The following CALCOCO1 variants were observed in gnomAD, a reference collection of about 807,000 sequenced individuals.
The protein encoded by CALCOCO1 is calcium-binding and coiled-coil domain-containing protein 1.
CALCOCO1 carries 44 observed loss-of-function variants against 86.3 expected under a neutral mutation model. The observed-to-expected ratio is 0.51, with a 90% CI of 0.40 to 0.66. CALCOCO1 has a LOEUF of 0.66. CALCOCO1 is among the 30% of genes least tolerant of loss of function. The probability of loss-of-function intolerance (pLI) is 0.00; values close to 1 mark genes in which losing one functional copy is unlikely to be tolerated. For missense variants in CALCOCO1, 708 were observed against 851.1 expected (o/e 0.83, Z 2.09); for synonymous variants, 297 against 327.6 (o/e 0.91, Z 1.01).
At position 53,721,997 on chromosome 12, in the gene CALCOCO1, C is replaced by T. The variant is rs749656351; in HGVS notation, c.609+28G>A. The T allele has an allele frequency of 5.0e-6, 8 of 1,610,772 alleles. 1 individual carries two copies. The highest frequency in any genetic ancestry group is 6.8e-6 in the Non-Finnish European group (8 of 1,179,818). ...TTGGATGCTGGGTGAGCAGCCAGGC[C>T]CTGTCCCCTACCTGGCCCAGCTCCC... On this transcript the variant is annotated intron_variant, in intron 5 of 14. Coordinates refer to ENST00000550804, the MANE Select transcript of CALCOCO1 (RefSeq NM_020898.3).
Position 53,721,571 on chromosome 12 carries a change from G to A in CALCOCO1, c.654C>T (p.Ile218=), listed in dbSNP as rs2120625405. ...CATGGTCTCCCTGTTGCCGGCTCAG[G>A]ATGTCCCTCTCTTCTGTGATCTCCC... ...SHGEITEERD[I]LSRQQGDHVA... is the part of the protein sequence containing the mutation. The change falls in exon 6 of 15, where the codon ATC becomes ATT. Residue 218 remains isoleucine, a synonymous_variant. Transcript: ENST00000550804. 1 of 1,613,790 alleles carries A rather than the reference G, an allele frequency of 6.2e-7. No individual in the cohort carries two copies. The highest frequency in any genetic ancestry group is 8.5e-7 in the Non-Finnish European group (1 of 1,179,896).
intron 3 of CALCOCO1, 108 bp downstream of exon 3, chr12:53,724,537 T>G: frequency 1.3e-6 from 1 of 798,134 alleles, no homozygotes; most frequent in Non-Finnish European, 2.2e-6. Context: ...TTTCGTTTAT[T>G]TTTCCTTGTC....
In CALCOCO1 at chr12:53,709,260, A is replaced by C. The variant is rs1262170498; in HGVS notation, c.*2684T>G. The C allele has an allele frequency of 6.6e-6, 1 of 152,252 alleles. No homozygotes were observed. Among genetic ancestry groups the C allele is most frequent in the Non-Finnish European group, 1.5e-5 (1 of 68,070 alleles). The allele number at this position is 152,252 out of a possible 1,614,324, so 9.4% of individuals were successfully genotyped here. On this transcript the variant is annotated 3_prime_UTR_variant, in exon 15 of 15. Coordinates refer to ENST00000550804, the MANE Select transcript of CALCOCO1 (RefSeq NM_020898.3). ...AGTTGCCAAATACCCCTCAGTGAGT[A>C]GGAAAGAGAACTAGAATTGGAAGCT...
In CALCOCO1 at chr12:53,715,235, T is replaced by C. The variant is rs369001678; in HGVS notation, c.1351A>G (p.Lys451Glu). ...TCCTTCTCCCGGGCCAGCTCAGTCT[T>C]GAACACTTGGTTTTGGGTCCTCTCC... ...QEERTQNQVF[K>E]TELAREKDSS... The change falls in exon 10 of 15, where the codon AAG becomes GAG. Residue 451 changes from lysine to glutamate, a missense_variant. Physicochemically the swap from Lys to Glu is moderately conservative, Grantham distance 56. Coordinates refer to ENST00000550804, the MANE Select transcript of CALCOCO1 (RefSeq NM_020898.3). 1 of 1,614,052 alleles carries C rather than the reference T, an allele frequency of 6.2e-7. No homozygotes were observed.
chr12:53,721,592 C>G lies in CALCOCO1; in HGVS notation c.633G>C (p.Glu211Asp), dbSNP rs886362814. Residue 211 changes from glutamate (E) to aspartate (D), a missense_variant, in exon 6 of 15, where the codon GAG becomes GAC. Coordinates refer to ENST00000550804, the MANE Select transcript of CALCOCO1 (RefSeq NM_020898.3). ...TCAGGATGTCCCTCTCTTCTGTGATCTCCCCATGGGACCGGGAAATCCCCT... is the reference window on the plus strand; with the variant it reads ...TCAGGATGTCCCTCTCTTCTGTGATGTCCCCATGGGACCGGGAAATCCCCT... ...QYKGISRSHGEITEERDILSR... is the reference protein window; with the variant it reads ...QYKGISRSHGDITEERDILSR... 6.2e-7 allele frequency: 1 copy of G among 1,614,018 alleles called. No individual in the cohort carries two copies. Among genetic ancestry groups the G allele is most frequent in the Non-Finnish European group, 8.5e-7 (1 of 1,179,972 alleles).
intron 11 of CALCOCO1, 37 bp from the exon 12 acceptor site, chr12:53,714,278 T>TG (rs1945665402): frequency 6.6e-7 from 1 of 1,521,632 alleles, no homozygotes; most frequent in African/African-American, 1.4e-5. Context: ...TGCTAGAGAA[T>TG]GGGAAGGTGC....
intron 8 of CALCOCO1, 48 bp downstream of exon 8, chr12:53,716,212 C>A (rs1051035180): frequency 6.2e-7 from 1 of 1,608,628 alleles, no homozygotes. Flanking sequence ...TTCTCTACAA[C>A]TTGCCCTTGG....
chr12:53,725,284 G>A lies in CALCOCO1; in HGVS notation c.-24-18C>T, dbSNP rs201592268. The A allele has an allele frequency of 1.5e-3, 2,287 of 1,525,072 alleles. 2 individuals are homozygous for A. Among genetic ancestry groups the A allele is most frequent in the Non-Finnish European group, 1.7e-3 (1,948 of 1,132,504 alleles). The allele number at this position is 1,525,072 out of a possible 1,614,324, so 94.5% of individuals were successfully genotyped here. A position where few individuals can be genotyped will look rare whatever the true frequency, so the allele number is the denominator to read the frequency against. On this transcript the variant is annotated intron_variant, in intron 1 of 14. Transcript: ENST00000550804. ...CTGTCCTCCTATGAAAGAAAGGGTTGATAGCCTAAAGTCTTTCCAGTCCAC... is the reference window on the plus strand; with the variant it reads ...CTGTCCTCCTATGAAAGAAAGGGTTAATAGCCTAAAGTCTTTCCAGTCCAC...
rs985160334 is a variant in CALCOCO1 at position 53,711,206 on chromosome 12, AGG to A, written c.*736_*737del. The A allele has an allele frequency of 2.5e-6, 1 of 398,006 alleles. No individual in the cohort carries two copies. Among genetic ancestry groups the A allele is most frequent in the South Asian group, 1.3e-4 (1 of 7,758 alleles). The allele number at this position is 398,006 out of a possible 1,614,324, so 24.7% of individuals were successfully genotyped here. ...TTGCTGTGGGGGGACCTGGAGAGGG[AGG>A]GGGGCCTTGGAAATGGGGATACCTG... On this transcript the variant is annotated 3_prime_UTR_variant, in exon 15 of 15. Transcript: ENST00000550804.
intron 9 of CALCOCO1, 55 bp downstream of exon 9, chr12:53,715,738 C>T: frequency 6.3e-7 from 1 of 1,594,830 alleles, no homozygotes; most frequent in Non-Finnish European, 8.5e-7. Flanking sequence ...GTAGGAGTCC[C>T]CACAGAGGTG....
At chr12:53,721,358 A>C in intron 6 of CALCOCO1, 109 bp downstream of exon 6, 5 of 989,436 alleles carry the variant, frequency 5.1e-6, no homozygotes, top group Non-Finnish European at 7.4e-6. Context: ...TGAGAGGGAA[A>C]GAGAAAGCGT....
chr12:53,712,137 G>A lies in CALCOCO1; in HGVS notation c.1899-16C>T. On this transcript the variant is annotated splice_polypyrimidine_tract_variant and intron_variant, in intron 14 of 14. Coordinates refer to ENST00000550804, the MANE Select transcript of CALCOCO1 (RefSeq NM_020898.3). ...TGTAAAGCCACTAAGAGAGACAGAG[G>A]GGAAAGGGAGAGGGTCGGCGTGCTC... The A allele has an allele frequency of 1.9e-6, 3 of 1,583,232 alleles. No homozygotes were observed. Among genetic ancestry groups the A allele is most frequent in the African/African-American group, 1.3e-5 (1 of 74,292 alleles).
At chr12:53,720,275 T>C (rs1248089970) in intron 6 of CALCOCO1, among the ~76,000 whole-genome samples, 1 of 152,236 alleles carries the variant, frequency 6.6e-6, no homozygotes, top group Non-Finnish European at 1.5e-5. Flanking sequence ...TCTGCCATTG[T>C]AGTGCAGGAC....
At chr12:53,715,082 G>A in intron 10 of CALCOCO1, 118 bp downstream of exon 10, 1 of 1,266,020 alleles carries the variant, frequency 7.9e-7, no homozygotes, top group Non-Finnish European at 1.1e-6. Context: ...CAAGTGAAAT[G>A]CCACCCAACA....
intron 2 of CALCOCO1, 106 bp from the exon 3 acceptor site, chr12:53,724,853 G>T: frequency 1.1e-6 from 1 of 918,342 alleles, no homozygotes; most frequent in South Asian, 1.7e-5. Context: ...GAGCTACAGT[G>T]GCAACAATGA....
intron 7 of CALCOCO1, among the ~76,000 whole-genome samples, chr12:53,718,244 T>C (rs1364330953): frequency 6.6e-6 from 1 of 152,196 alleles, no homozygotes; most frequent in African/African-American, 2.4e-5. Flanking sequence ...GTGTTCTTGA[T>C]ATTGTACAAC....
rs1016025723 is a variant in CALCOCO1, at chr12:53,708,954, A to C, written c.*2990T>G. 15 of 152,386 alleles carry C rather than the reference A, an allele frequency of 9.8e-5. 3 individuals are homozygous for C. The highest frequency in any genetic ancestry group is 3.6e-4 in the African/African-American group (15 of 41,576). 9.4% of individuals were successfully genotyped at this position (152,386 alleles called of 1,614,324 possible). ...GGGAAATGGAAGGGCAAGTTGGGAC[A>C]GATGGTGAAGACCCTGACTGGCACA... On this transcript the variant is annotated 3_prime_UTR_variant, in exon 15 of 15. Transcript: ENST00000550804.
At chr12:53,716,540 G>A in intron 7 of CALCOCO1, 125 bp from the exon 8 acceptor site, 1 of 932,816 alleles carries the variant, frequency 1.1e-6, no homozygotes, top group Non-Finnish European at 1.6e-6. Flanking sequence ...CAAGCCTTCA[G>A]CTATTGCCAG....
chr12:53,716,205 T>C, intron 8 of CALCOCO1, 55 bp downstream of exon 8: 1 of 1,606,398 alleles, frequency 6.2e-7, no homozygotes, highest in Non-Finnish European at 8.5e-7. Flanking sequence ...CGCAGGCTTC[T>C]CTACAACTTG....
Sources: allele counts gnomAD v4.1 joint callset (sites outside exome capture counted in the v4.1 genomes callset), GRCh38; gene constraint gnomAD v4.1.1; transcripts MANE v1.5; gene names NCBI Gene and HGNC (gene_info 2026-07-23, HGNC 2026-07-21).